ENOX1: variants seen among roughly 807,000 people sequenced by gnomAD.
The protein encoded by ENOX1 is ecto-NOX disulfide-thiol exchanger 1, also known as candidate growth-related and time keeping constitutive hydroquinone (NADH) oxidase.
Under a neutral mutation model 82.5 loss-of-function variants are expected in ENOX1, and 42 were observed. The ratio of observed to expected loss-of-function variants is 0.51; its 90% CI spans 0.40 to 0.66. ENOX1 has a LOEUF of 0.66. Ranked by LOEUF, ENOX1 falls within the 30% of genes least tolerant of loss-of-function variation. ENOX1 has a pLI of 0.00. For missense variants in ENOX1, 608 were observed against 811.6 expected (o/e 0.75, Z 3.05); for synonymous variants, 271 against 282.2 (o/e 0.96, Z 0.40).
intron 3 of ENOX1, among the ~76,000 whole-genome samples, chr13:43,425,551 A>T (rs1338704210): frequency 6.6e-6 from 1 of 152,180 alleles, no homozygotes; most frequent in Non-Finnish European, 1.5e-5. Context: ...ATGTTCCTCA[A>T]ATAGTCTCTT....
At chr13:43,367,279 C>T (rs968140981) in intron 5 of ENOX1, among the ~76,000 whole-genome samples, 11 of 152,112 alleles carry the variant, frequency 7.2e-5, no homozygotes, top group Non-Finnish European at 4.4e-5. Flanking sequence ...ACTTGTGTCC[C>T]CCCAAAAGAT....
chr13:43,309,998 T>G (rs982820283), intron 11 of ENOX1, among the ~76,000 whole-genome samples: 12 of 151,788 alleles, frequency 7.9e-5, no homozygotes, highest in Non-Finnish European at 1.8e-4. Flanking sequence ...GGTCAGGAGA[T>G]CGAGACCATC....
At chr13:43,236,046 C>T (rs1158497765) in intron 15 of ENOX1, among the ~76,000 whole-genome samples, 1 of 152,182 alleles carries the variant, frequency 6.6e-6, no homozygotes, top group East Asian at 1.9e-4. Flanking sequence ...AGAATTCTTC[C>T]TCGTGAAAAT....
At chr13:43,749,482 A>C (rs1460770197) in intron 1 of ENOX1, among the ~76,000 whole-genome samples, 1 of 152,212 alleles carries the variant, frequency 6.6e-6, no homozygotes, top group African/African-American at 2.4e-5. Flanking sequence ...CCAAGGCTGG[A>C]GCTCACCTTG....
intron 5 of ENOX1, among the ~76,000 whole-genome samples, chr13:43,391,689 A>G (rs2052787991): frequency 6.6e-6 from 1 of 152,044 alleles, no homozygotes; most frequent in Non-Finnish European, 1.5e-5. Context: ...GCTTATTCCA[A>G]TTTGTCCTTA....
At chr13:43,217,809 T>C (rs1010305318) in intron 16 of ENOX1, among the ~76,000 whole-genome samples, 1 of 152,208 alleles carries the variant, frequency 6.6e-6, no homozygotes, top group Non-Finnish European at 1.5e-5. Context: ...CCTCTCCATA[T>C]CCTAGCTCTA....
At chr13:43,301,504 T>C (rs2046572704) in intron 11 of ENOX1, among the ~76,000 whole-genome samples, 1 of 149,580 alleles carries the variant, frequency 6.7e-6, no homozygotes, top group African/African-American at 2.5e-5. Context: ...AAGCAGTATA[T>C]AATATTGTTT....
At chr13:43,661,309 G>T (rs570229971) in intron 2 of ENOX1, among the ~76,000 whole-genome samples, 1 of 152,282 alleles carries the variant, frequency 6.6e-6, no homozygotes, top group East Asian at 1.9e-4. Context: ...GCAGAATACT[G>T]TGCGCGTTGC....
At chr13:43,316,606 C>A (rs527791945) in intron 11 of ENOX1, among the ~76,000 whole-genome samples, 2 of 140,062 alleles carry the variant, frequency 1.4e-5, no homozygotes, top group South Asian at 5.1e-4. Flanking sequence ...TGTTTTCCTG[C>A]ATTTAAAAGG....
chr13:43,546,301 G>A (rs2078970926), intron 2 of ENOX1: 1 of 152,306 alleles, frequency 6.6e-6, no homozygotes, highest in African/African-American at 2.4e-5. Context: ...AAACCAAAAA[G>A]TAAAGGAAGA....
intron 3 of ENOX1, among the ~76,000 whole-genome samples, chr13:43,418,726 G>T (rs2054790533): frequency 6.6e-6 from 1 of 152,138 alleles, no homozygotes; most frequent in African/African-American, 2.4e-5. Context: ...AAATGCCAAG[G>T]ATAAAAGTAC....
At chr13:43,341,941 T>A (rs901971136) in intron 9 of ENOX1, among the ~76,000 whole-genome samples, 1 of 152,236 alleles carries the variant, frequency 6.6e-6, no homozygotes, top group South Asian at 2.1e-4. Flanking sequence ...CTTGCTATAA[T>A]GACGCAACTC....
chr13:43,680,966 CAG>C (rs1242377705), intron 1 of ENOX1, among the ~76,000 whole-genome samples: 1 of 151,988 alleles, frequency 6.6e-6, no homozygotes, highest in African/African-American at 2.4e-5. Flanking sequence ...AAAGAAAAAA[CAG>C]AGAAACATGA....
intron 5 of ENOX1, among the ~76,000 whole-genome samples, chr13:43,375,309 C>T (rs1439079888): frequency 2.0e-5 from 3 of 152,074 alleles, no homozygotes; most frequent in African/African-American, 4.8e-5. Flanking sequence ...TGTGTCTATC[C>T]TCGATGCTTG....
intron 2 of ENOX1, among the ~76,000 whole-genome samples, chr13:43,564,567 A>C (rs1329706384): frequency 6.6e-6 from 1 of 152,144 alleles, no homozygotes; most frequent in Non-Finnish European, 1.5e-5. Flanking sequence ...CCTCAGGGAC[A>C]ATGAATAAAC....
At chr13:43,386,035 C>T (rs991500813) in intron 5 of ENOX1, among the ~76,000 whole-genome samples, 4 of 151,920 alleles carry the variant, frequency 2.6e-5, no homozygotes, top group East Asian at 1.9e-4. Context: ...GTGTGGGAGC[C>T]GGTGCCTGTA....
chr13:43,252,051 T>C (rs1378640805), intron 14 of ENOX1, among the ~76,000 whole-genome samples: 2 of 152,236 alleles, frequency 1.3e-5, no homozygotes, highest in Non-Finnish European at 2.9e-5. Context: ...TCAAGTCATC[T>C]TCCTAAAAGT....
At chr13:43,529,693 G>A (rs181437310) in intron 2 of ENOX1, among the ~76,000 whole-genome samples, 80 of 152,138 alleles carry the variant, frequency 5.3e-4, no homozygotes, top group African/African-American at 1.7e-3. Flanking sequence ...GGTACTGTCC[G>A]TGGCTTTAGG....
chr13:43,367,205 G>A (rs904999155), intron 5 of ENOX1, among the ~76,000 whole-genome samples: 2 of 152,142 alleles, frequency 1.3e-5, no homozygotes, highest in African/African-American at 2.4e-5. Flanking sequence ...TTAAATAAAA[G>A]GTGCTATGAA....
Sources: allele counts gnomAD v4.1 joint callset (sites outside exome capture counted in the v4.1 genomes callset), GRCh38; gene constraint gnomAD v4.1.1; transcripts MANE v1.5; gene names NCBI Gene and HGNC (gene_info 2026-07-23, HGNC 2026-07-21).